The following MICU2 variants were observed in gnomAD, a reference collection of about 807,000 sequenced individuals.
MICU2 encodes mitochondrial calcium uptake 2.
Under a neutral mutation model 60.4 loss-of-function variants are expected in MICU2, and 64 were observed. The observed-to-expected ratio is 1.06, with a 90% CI of 0.87 to 1.31. The LOEUF is 1.31. Ranked by LOEUF, MICU2 falls within the 50% of genes most tolerant of loss-of-function variation. MICU2 has a pLI of 0.00. For synonymous variants in MICU2, 201 were observed against 175.0 expected (o/e 1.15, Z -1.17); for missense variants, 569 against 531.0 (o/e 1.07, Z -0.70).
At chr13:21,571,398 T>A (rs1963169) in intron 1 of MICU2, among the ~76,000 whole-genome samples, 33,944 of 151,786 alleles carry the variant, frequency 0.22, 4,692 homozygotes, top group East Asian at 0.65. Context: ...ATTAAAATTT[T>A]AAAAAAAATC....
At chr13:21,517,533 T>C (rs969630520) in intron 6 of MICU2, among the ~76,000 whole-genome samples, 10 of 152,262 alleles carry the variant, frequency 6.6e-5, no homozygotes, top group Non-Finnish European at 1.0e-4. Context: ...CCCAGCACTT[T>C]GGGAGGCTGA....
chr13:21,562,143 G>A (rs1887861088), intron 2 of MICU2, among the ~76,000 whole-genome samples: 1 of 151,670 alleles, frequency 6.6e-6, no homozygotes, highest in Non-Finnish European at 1.5e-5. Context: ...CCAAGTCTTT[G>A]CTATTGTGAA....
intron 1 of MICU2, among the ~76,000 whole-genome samples, chr13:21,581,231 C>T (rs1242209491): frequency 6.6e-6 from 1 of 152,178 alleles, no homozygotes; most frequent in Non-Finnish European, 1.5e-5. Flanking sequence ...AATTCTCGTG[C>T]CTCAGCCTCT....
intron 1 of MICU2, among the ~76,000 whole-genome samples, chr13:21,582,021 C>G (rs79510456): frequency 0.03 from 4,502 of 152,318 alleles, 94 homozygotes; most frequent in African/African-American, 0.04. Context: ...GGCAACAAAG[C>G]CACTGCGGGG....
At chr13:21,534,152 T>C (rs1205903679) in intron 4 of MICU2, among the ~76,000 whole-genome samples, 5 of 151,914 alleles carry the variant, frequency 3.3e-5, no homozygotes, top group African/African-American at 1.2e-4. Flanking sequence ...GATCTAATTT[T>C]GCTGACAAAA....
chr13:21,565,355 C>G (rs1887954291), intron 2 of MICU2, among the ~76,000 whole-genome samples: 1 of 151,482 alleles, frequency 6.6e-6, no homozygotes. Context: ...TGGTGAAACT[C>G]TGTCTCTACT....
chr13:21,553,413 C>G (rs1887623288), intron 2 of MICU2, among the ~76,000 whole-genome samples: 2 of 152,132 alleles, frequency 1.3e-5, no homozygotes, highest in African/African-American at 2.4e-5. Context: ...ACTGAATGCC[C>G]TTTATTTCCT....
chr13:21,602,270 T>C (rs1454778061), intron 1 of MICU2, among the ~76,000 whole-genome samples: 2 of 148,498 alleles, frequency 1.3e-5, no homozygotes, highest in Non-Finnish European at 3.0e-5. Context: ...CGCCTGTAAT[T>C]CCAGCACTTA....
intron 2 of MICU2, among the ~76,000 whole-genome samples, chr13:21,543,244 A>C (rs1887326030): frequency 6.6e-6 from 1 of 152,194 alleles, no homozygotes; most frequent in Non-Finnish European, 1.5e-5. Flanking sequence ...ACAAGCTCTC[A>C]GCTTTTCTTC....
intron 1 of MICU2, among the ~76,000 whole-genome samples, chr13:21,575,729 CAAAAAAAAAAA>C (rs10557584): frequency 2.1e-5 from 1 of 48,058 alleles, no homozygotes; most frequent in African/African-American, 9.1e-5. Context: ...GACTCTGTCT[CAAAAAAAAAAA>C]AAAAAAAAAA....
chr13:21,599,159 G>C (rs1888761332), intron 1 of MICU2, among the ~76,000 whole-genome samples: 1 of 152,166 alleles, frequency 6.6e-6, no homozygotes, highest in Non-Finnish European at 1.5e-5. Flanking sequence ...CATGAAACTA[G>C]TCCCTGGTGC....
chr13:21,569,842 C>T (rs953206604), intron 1 of MICU2, among the ~76,000 whole-genome samples: 9 of 150,438 alleles, frequency 6.0e-5, no homozygotes, highest in Admixed American at 1.3e-4. Flanking sequence ...AAAACACTTA[C>T]GGCTTGTGAA....
chr13:21,501,496 T>G (rs538462148), intron 9 of MICU2, among the ~76,000 whole-genome samples: 20 of 152,294 alleles, frequency 1.3e-4, no homozygotes, highest in African/African-American at 4.8e-4. Context: ...TCTCCTGACC[T>G]CATGATCTGC....
chr13:21,550,297 G>A (rs1021820297), intron 2 of MICU2, among the ~76,000 whole-genome samples: 1 of 152,162 alleles, frequency 6.6e-6, no homozygotes, highest in African/African-American at 2.4e-5. Flanking sequence ...AGTGCTTTTG[G>A]AGGCCAAGAC....
At chr13:21,600,865 C>G (rs999234321) in intron 1 of MICU2, among the ~76,000 whole-genome samples, 88 of 152,134 alleles carry the variant, frequency 5.8e-4, no homozygotes, top group Non-Finnish European at 1.2e-4. Flanking sequence ...GGCAGGATCT[C>G]GGCTCCCTGC....
At chr13:21,528,054 T>A (rs981439873) in intron 4 of MICU2, among the ~76,000 whole-genome samples, 2 of 152,226 alleles carry the variant, frequency 1.3e-5, no homozygotes, top group Non-Finnish European at 2.9e-5. Context: ...ACATATCTCA[T>A]AATTTATATT....
At chr13:21,554,474 T>C (rs1401957370) in intron 2 of MICU2, among the ~76,000 whole-genome samples, 2 of 152,142 alleles carry the variant, frequency 1.3e-5, no homozygotes, top group Non-Finnish European at 2.9e-5. Flanking sequence ...AAGAGGTTCT[T>C]TGAAACCAAC....
intron 2 of MICU2, among the ~76,000 whole-genome samples, chr13:21,546,530 G>A (rs993197927): frequency 1.3e-5 from 2 of 152,126 alleles, no homozygotes; most frequent in African/African-American, 2.4e-5. Context: ...TTACACACAT[G>A]CTATGTGTAA....
intron 1 of MICU2, among the ~76,000 whole-genome samples, chr13:21,595,939 C>A (rs1224163461): frequency 6.6e-6 from 1 of 152,216 alleles, no homozygotes; most frequent in Non-Finnish European, 1.5e-5. Flanking sequence ...TAGTCAATCA[C>A]CTTCTACTAC....
Sources: allele counts gnomAD v4.1 joint callset (sites outside exome capture counted in the v4.1 genomes callset), GRCh38; gene constraint gnomAD v4.1.1; transcripts MANE v1.5; gene names NCBI Gene and HGNC (gene_info 2026-07-23, HGNC 2026-07-21).